Variants in KCNC2 observed in about 807,000 individuals in gnomAD.
KCNC2 encodes the protein potassium voltage-gated channel subfamily C member 2, also known as voltage-gated potassium channel KCNC2.
In KCNC2, 21 loss-of-function variants were observed where a neutral mutation model predicts 44.5. The ratio of observed to expected loss-of-function variants is 0.47; its 90% CI spans 0.33 to 0.68. The LOEUF is 0.68. KCNC2 is among the 30% of genes least tolerant of loss of function. KCNC2 has a pLI of 0.01. For missense variants in KCNC2, 589 were observed against 826.2 expected (o/e 0.71, Z 3.52); for synonymous variants, 391 against 339.1 (o/e 1.15, Z -1.68).
At chr12:75,158,373 GA>G (rs1890898178) in intron 2 of KCNC2, among the ~76,000 whole-genome samples, 1 of 151,732 alleles carries the variant, frequency 6.6e-6, no homozygotes, top group Non-Finnish European at 1.5e-5. Flanking sequence ...CATATATTTG[GA>G]AATCATTAAT....
At chr12:75,113,363 TCA>T (rs1283591168) in intron 2 of KCNC2, among the ~76,000 whole-genome samples, 1 of 152,192 alleles carries the variant, frequency 6.6e-6, no homozygotes, top group African/African-American at 2.4e-5. Flanking sequence ...CAACCTTGAT[TCA>T]CATATATCAG....
chr12:75,145,963 T>A (rs1889997341), intron 2 of KCNC2, among the ~76,000 whole-genome samples: 1 of 151,568 alleles, frequency 6.6e-6, no homozygotes, highest in African/African-American at 2.4e-5. Flanking sequence ...AATTTTTTTT[T>A]TTTTTTTTGA....
At chr12:75,103,648 T>C (rs903520195) in intron 2 of KCNC2, among the ~76,000 whole-genome samples, 2 of 152,180 alleles carry the variant, frequency 1.3e-5, no homozygotes, top group Admixed American at 1.3e-4. Context: ...TACAAGGTTA[T>C]ACTCATATAC....
chr12:75,208,020 C>A lies in KCNC2; in HGVS notation c.-19-18G>T. ...AGACATGACTAGGGGGAGGCAAACA[C>A]AGCGCCGAGTTAAAGATCTTAGCCG... On this transcript the variant is annotated intron_variant, in intron 1 of 4. Transcript: ENST00000549446. 1.2e-6 allele frequency: 2 copies of A among 1,608,924 alleles called. No homozygotes were observed. Among genetic ancestry groups the A allele is most frequent in the African/African-American group, 1.3e-5 (1 of 74,606 alleles).
chr12:75,145,766 G>T (rs1005610945), intron 2 of KCNC2, among the ~76,000 whole-genome samples: 2 of 151,982 alleles, frequency 1.3e-5, no homozygotes, highest in African/African-American at 4.8e-5. Context: ...GTAGGGAAGA[G>T]AATTAACTGA....
At position 75,042,518 on chromosome 12, in the gene KCNC2, T is replaced by C. The variant is rs1347578798; in HGVS notation, c.*587A>G. On this transcript the variant is annotated 3_prime_UTR_variant, in exon 5 of 5. Coordinates refer to ENST00000549446, the MANE Select transcript of KCNC2 (RefSeq NM_139137.4). ...ATGTCAAGGAGAAAAGTGCCCTCCC[T>C]GCCCCACAATTCAACATGCAGAACA... The C allele has an allele frequency of 7.0e-7, 1 of 1,425,532 alleles. No individual in the cohort carries two copies. The highest frequency in any genetic ancestry group is 1.6e-5 in the South Asian group (1 of 64,262). 88.3% of individuals were successfully genotyped at this position (1,425,532 alleles called of 1,614,324 possible). A position where few individuals can be genotyped will look rare whatever the true frequency, so the allele number is the denominator to read the frequency against.
At chr12:75,143,440 CCT>C (rs2137418081) in intron 2 of KCNC2, among the ~76,000 whole-genome samples, 2 of 152,294 alleles carry the variant, frequency 1.3e-5, no homozygotes, top group African/African-American at 4.8e-5. Flanking sequence ...ATCAAGTGTA[CCT>C]CTTTCATTCA....
intron 2 of KCNC2, among the ~76,000 whole-genome samples, chr12:75,193,133 C>T (rs2137726407): frequency 6.6e-6 from 1 of 152,154 alleles, no homozygotes; most frequent in Non-Finnish European, 1.5e-5. Context: ...AAGTTTATAA[C>T]TAGTATGAAC....
chr12:75,177,029 G>A (rs1465509884), intron 2 of KCNC2, among the ~76,000 whole-genome samples: 1 of 109,560 alleles, frequency 9.1e-6, no homozygotes, highest in Admixed American at 1.1e-4. Context: ...GATGCTGCAA[G>A]TTTTATATAT....
chr12:75,207,165 A>C lies in KCNC2; in HGVS notation c.687+132T>G. ...TTACCCTGCAAAGGATGAGCCTCTA[A>C]CTGTATCGCTAGGAAATCCCGGGTC... On this transcript the variant is annotated intron_variant, in intron 2 of 4. Coordinates refer to ENST00000549446, the MANE Select transcript of KCNC2 (RefSeq NM_139137.4). The surrounding 1 kb of genome is among the most constrained non-coding windows in gnomAD (Gnocchi z 4.1). 7.0e-7 allele frequency: 1 copy of C among 1,433,380 alleles called. No homozygotes were observed. The highest frequency in any genetic ancestry group is 9.2e-7 in the Non-Finnish European group (1 of 1,090,278). 88.8% of individuals were successfully genotyped at this position (1,433,380 alleles called of 1,614,324 possible). A position where few individuals can be genotyped will look rare whatever the true frequency, so the allele number is the denominator to read the frequency against.
At chr12:75,151,278 G>A (rs76095221) in intron 2 of KCNC2, among the ~76,000 whole-genome samples, 2,207 of 152,034 alleles carry the variant, frequency 0.015, 45 homozygotes, top group African/African-American at 0.05. Context: ...AAAATAAAGT[G>A]CTCCCCTGAG....
intron 2 of KCNC2, among the ~76,000 whole-genome samples, chr12:75,202,188 G>A (rs1249286004): frequency 6.6e-6 from 1 of 151,768 alleles, no homozygotes; most frequent in African/African-American, 2.4e-5. Context: ...CTACAAGTGA[G>A]CTCTTAGCAA....
At chr12:75,080,504 A>G (rs968278725) in intron 2 of KCNC2, among the ~76,000 whole-genome samples, 1 of 152,158 alleles carries the variant, frequency 6.6e-6, no homozygotes, top group South Asian at 2.1e-4. Context: ...TCAGTGCAAC[A>G]CCAGAGATTT....
chr12:75,047,085 G>T (rs541465748), intron 4 of KCNC2, among the ~76,000 whole-genome samples: 4 of 151,344 alleles, frequency 2.6e-5, no homozygotes, highest in Non-Finnish European at 5.9e-5. Flanking sequence ...GTTTTAAAGT[G>T]GATTTTTATT....
intron 2 of KCNC2, among the ~76,000 whole-genome samples, chr12:75,160,411 A>G (rs1891045411): frequency 6.6e-6 from 1 of 151,862 alleles, no homozygotes; most frequent in Admixed American, 6.6e-5. Context: ...ACAGTTAGAA[A>G]AAAAAGTATT....
chr12:75,104,059 G>A (rs1004212845), intron 2 of KCNC2, among the ~76,000 whole-genome samples: 5 of 151,938 alleles, frequency 3.3e-5, no homozygotes, highest in Non-Finnish European at 5.9e-5. Context: ...CTGGATCATC[G>A]AGCCATGACA....
chr12:75,192,546 C>G (rs1445951298), intron 2 of KCNC2, among the ~76,000 whole-genome samples: 1 of 152,190 alleles, frequency 6.6e-6, no homozygotes, highest in African/African-American at 2.4e-5. Flanking sequence ...TTAAGTGTCA[C>G]CGTCGTCCGA....
In KCNC2 at chr12:75,041,636, C is replaced by T; in HGVS notation, c.*1469G>A. The T allele has an allele frequency of 9.9e-7, 1 of 1,012,468 alleles. No individual in the cohort carries two copies. The highest frequency in any genetic ancestry group is 1.2e-6 in the Non-Finnish European group (1 of 845,304). The allele number at this position is 1,012,468 out of a possible 1,614,324, so 62.7% of individuals were successfully genotyped here. On this transcript the variant is annotated 3_prime_UTR_variant, in exon 5 of 5. Coordinates refer to ENST00000549446, the MANE Select transcript of KCNC2 (RefSeq NM_139137.4). ...ATAAATAGACTTTCTTCCACTCAGA[C>T]TGAATATGACTCCCTAAGGATTTTG...
intron 3 of KCNC2, 29 bp downstream of exon 3, chr12:75,050,349 TATAAAGTATTTA>T (rs1205814031): frequency 7.2e-6 from 10 of 1,380,240 alleles, no homozygotes; most frequent in Non-Finnish European, 1.0e-5. Context: ...CATACTGGTC[TATAAAGTATTTA>T]ATAACATGCA....
Sources: gnomAD v4.1 joint callset for allele counts (sites outside exome capture counted in the v4.1 genomes callset) on GRCh38, gnomAD v4.1.1 for gene constraint, Gnocchi (gnomAD v3.1) non-coding constraint, MANE v1.5 for transcripts, NCBI Gene and HGNC (gene_info 2026-07-23, HGNC 2026-07-21) for gene names.